The following PBRM1 variants were observed in gnomAD, a reference collection of about 807,000 sequenced individuals.
PBRM1 encodes the protein polybromo 1.
Under a neutral mutation model 194.5 loss-of-function variants are expected in PBRM1, and 27 were observed. The ratio of observed to expected loss-of-function variants is 0.14; its 90% confidence interval spans 0.10 to 0.19. The LOEUF (loss-of-function observed/expected upper bound fraction) is 0.19, where lower values mean the gene tolerates loss of function less well. Among genes scored for constraint, PBRM1 ranks in the 10% least tolerant of loss-of-function variants. The pLI is 1.00. For missense variants in PBRM1, 1,466 were observed against 2,077.2 expected (o/e 0.71, Z 5.72); for synonymous variants, 655 against 693.2 (o/e 0.94, Z 0.87).
chr3:52,570,950 T>C (rs1270899841), intron 22 of PBRM1, among the ~76,000 whole-genome samples: 1 of 151,616 alleles, frequency 6.6e-6, no homozygotes, highest in East Asian at 1.9e-4. Flanking sequence ...CTTGAACTCC[T>C]GGTGTCAAGC....
intron 19 of PBRM1, 31 bp downstream of exon 21, chr3:52,587,322 G>C: frequency 1.3e-6 from 2 of 1,503,598 alleles, no homozygotes; most frequent in Non-Finnish European, 1.8e-6. Flanking sequence ...TAGGGAATGA[G>C]TGAGACTTTG....
At chr3:52,556,839 A>G (rs1195893810) in intron 26 of PBRM1, among the ~76,000 whole-genome samples, 1 of 151,980 alleles carries the variant, frequency 6.6e-6, no homozygotes, top group East Asian at 1.9e-4. Flanking sequence ...TAAATAATGG[A>G]GCAGGGGCTT....
intron 13 of PBRM1, among the ~76,000 whole-genome samples, chr3:52,627,002 GA>G (rs59857445): frequency 9.0e-5 from 13 of 144,946 alleles, no homozygotes; most frequent in East Asian, 6.1e-4. Context: ...CACATTAAAA[GA>G]AAAAAAAAAA....
exon 28 of PBRM1, chr3:52,550,761 GACTTCC>G: frequency 6.2e-7 from 1 of 1,611,858 alleles, no homozygotes; most frequent in Non-Finnish European, 8.5e-7. Context: ...TGTCCATATG[GACTTCC>G]ACCTGGTGCT....
chr3:52,631,784 A>G (rs1342405768), intron 11 of PBRM1, among the ~76,000 whole-genome samples: 1 of 152,206 alleles, frequency 6.6e-6, no homozygotes, highest in East Asian at 1.9e-4. Context: ...CTTTATACCA[A>G]AAAGTCTAAG....
chr3:52,612,905 CAAAAA>C (rs576855027), intron 15 of PBRM1, among the ~76,000 whole-genome samples: 3 of 85,386 alleles, frequency 3.5e-5, no homozygotes, highest in Non-Finnish European at 8.0e-5. Flanking sequence ...GAATCCGTCT[CAAAAA>C]AAAAAAAAAA....
At chr3:52,577,981 T>C (rs2090124604) in intron 21 of PBRM1, among the ~76,000 whole-genome samples, 1 of 152,148 alleles carries the variant, frequency 6.6e-6, no homozygotes, top group Admixed American at 6.6e-5. Context: ...CTGGCACTTA[T>C]CTCTTACTAA....
chr3:52,587,266 A>G, intron 19 of PBRM1, 87 bp downstream of exon 21: 1 of 1,010,562 alleles, frequency 9.9e-7, no homozygotes, highest in Non-Finnish European at 1.5e-6. Context: ...CAGAGTTCCT[A>G]ATTTTGTAAA....
At chr3:52,564,751 T>C (rs1234453221) in intron 22 of PBRM1, among the ~76,000 whole-genome samples, 1 of 152,144 alleles carries the variant, frequency 6.6e-6, no homozygotes, top group Non-Finnish European at 1.5e-5. Context: ...ACCAATATAA[T>C]AGGGCTTTTA....
chr3:52,614,593 C>A (rs897867039), intron 15 of PBRM1, among the ~76,000 whole-genome samples: 1 of 145,266 alleles, frequency 6.9e-6, no homozygotes, highest in African/African-American at 2.5e-5. Flanking sequence ...TTTTCCGAGG[C>A]AGAGTCTCAC....
intron 15 of PBRM1, 83 bp from the exon 18 acceptor site, chr3:52,610,038 G>T: frequency 1.3e-6 from 1 of 785,466 alleles, no homozygotes; most frequent in Non-Finnish European, 1.9e-6. Flanking sequence ...CACAAGGGAC[G>T]ATTCCAAGTA....
At chr3:52,614,687 T>TA (rs1202272160) in intron 15 of PBRM1, among the ~76,000 whole-genome samples, 1 of 151,858 alleles carries the variant, frequency 6.6e-6, no homozygotes, top group Admixed American at 6.6e-5. Flanking sequence ...TCTCCTGACT[T>TA]AGTCTCCCAA....
In PBRM1 at chr3:52,636,101, G is replaced by A. The variant is rs543803925; in HGVS notation, c.1088-1286C>T. On this transcript the variant is annotated intron_variant, in intron 10 of 29. Transcript: ENST00000296302. Reference sequence around the variant, plus strand: ...TTAGCCAGGATGGTCTCGATCTCCTGACCTCGTGATCTGCCCGCCTCGGCC... The same window carrying A: ...TTAGCCAGGATGGTCTCGATCTCCTAACCTCGTGATCTGCCCGCCTCGGCC... Among the ~76,000 whole-genome samples, 3 of 151,990 alleles carry A rather than the reference G, an allele frequency of 2.0e-5. No individual in the cohort carries two copies. In the South Asian group the frequency reaches 6.2e-4, roughly 32 times the overall value.
At chr3:52,606,002 C>CT (rs939457367) in intron 16 of PBRM1, among the ~76,000 whole-genome samples, 8 of 150,108 alleles carry the variant, frequency 5.3e-5, no homozygotes, top group South Asian at 2.1e-4. Context: ...CCCTGAAACA[C>CT]TTTTTTTTTC....
intron 4 of PBRM1, among the ~76,000 whole-genome samples, chr3:52,660,595 C>T (rs1485031920): frequency 6.6e-6 from 1 of 152,106 alleles, no homozygotes. Context: ...TCATTGCAAC[C>T]TCTGCCTCCC....
At position 52,614,373 on chromosome 3, in the gene PBRM1, CAAAAAAAAAAA is replaced by C. The variant is rs1165930996; in HGVS notation, c.1924+967_1924+977del. 9.8e-5 allele frequency among the ~76,000 whole-genome samples: 4 copies of C among 40,920 alleles called. No homozygotes were observed. The Admixed American group carries it at 1.3e-3, about 13-fold the overall frequency. 26.8% of individuals were successfully genotyped at this position (40,920 alleles called of 152,430 possible). On this transcript the variant is annotated intron_variant, in intron 15 of 29. Coordinates refer to ENST00000296302, the Ensembl canonical transcript of PBRM1. ...GGGGTGACAGGGCGAGATGCTTCAT[CAAAAAAAAAAA>C]AAAAAAAAAAAAAAGCAAAAAAGCT...
intron 17 of PBRM1, among the ~76,000 whole-genome samples, chr3:52,590,137 T>G (rs1185808611): frequency 6.6e-6 from 1 of 151,920 alleles, no homozygotes; most frequent in Non-Finnish European, 1.5e-5. Context: ...CTTTTATTTT[T>G]GTTAAGTAAA....
chr3:52,663,000 A>G (rs982707505), intron 3 of PBRM1, among the ~76,000 whole-genome samples: 3 of 152,200 alleles, frequency 2.0e-5, no homozygotes, highest in African/African-American at 7.2e-5. Context: ...ATGTCTGCTC[A>G]TGAAGTATAG....
intron 6 of PBRM1, among the ~76,000 whole-genome samples, chr3:52,648,718 T>C (rs2096399401): frequency 6.6e-6 from 1 of 152,240 alleles, no homozygotes; most frequent in Non-Finnish European, 1.5e-5. Flanking sequence ...GGTAGAAGTT[T>C]TATTTTACAA....
Sources: gnomAD v4.1 joint callset for allele counts (sites outside exome capture counted in the v4.1 genomes callset) on GRCh38, gnomAD v4.1.1 for gene constraint, MANE v1.5 for transcripts, NCBI Gene and HGNC (gene_info 2026-07-23, HGNC 2026-07-21) for gene names.